MGAT4A: variants seen among roughly 807,000 people sequenced by gnomAD.
The protein encoded by MGAT4A is N-acetylglucosaminyltransferase IVa.
A neutral mutation model predicts 74.1 loss-of-function variants in MGAT4A; 33 were observed. That is an observed-to-expected ratio of 0.45 (90% CI 0.34 to 0.60). The LOEUF is 0.60. Among genes scored for constraint, MGAT4A ranks in the 20% least tolerant of loss-of-function variants. The probability of loss-of-function intolerance (pLI) is 0.02; values close to 1 mark genes in which losing one functional copy is unlikely to be tolerated. For synonymous variants in MGAT4A, 198 were observed against 210.4 expected, an observed-to-expected ratio of 0.94 and a Z score of 0.51; for missense variants, 479 against 628.3, an observed-to-expected ratio of 0.76 and a Z score of 2.54.
Position 98,639,986 on chromosome 2 carries a change from T to G in MGAT4A, c.1144A>C (p.Lys382Gln). The change falls in exon 12 of 16, where the codon AAA (lysine) becomes CAA (glutamine). Residue 382 changes from lysine (K) to glutamine (Q), a missense_variant. By Grantham distance (53) the Lys-to-Gln change is moderately conservative. This residue lies in a region of MGAT4A where 236 missense variants were observed against 308.2 expected (regional missense o/e 0.77). Transcript: ENST00000393487. Reference protein sequence around the residue: ...IQKLTDKDYMKPLLLKIHVNP... With the variant: ...IQKLTDKDYMQPLLLKIHVNP... The stretch of plus-strand genomic sequence containing the variant: ...ACATGGATTTTAAGAAGTAATGGTT[T>G]CATATAATCTTTATCCTGGGAGCAA... 1 of 1,611,716 alleles carries G rather than the reference T, an allele frequency of 6.2e-7. No individual in the cohort carries two copies.
At chr2:98,676,165 C>T (rs772982085) in intron 3 of MGAT4A, among the ~76,000 whole-genome samples, 3 of 151,986 alleles carry the variant, frequency 2.0e-5, no homozygotes, top group Non-Finnish European at 4.4e-5. Flanking sequence ...GAATTTGTTA[C>T]CTCAACTTCA....
intron 2 of MGAT4A, among the ~76,000 whole-genome samples, chr2:98,722,411 A>C (rs1020591560): frequency 6.6e-6 from 1 of 152,228 alleles, no homozygotes; most frequent in Non-Finnish European, 1.5e-5. Context: ...CATAGATTAC[A>C]CTAAGTGAAA....
intron 4 of MGAT4A, among the ~76,000 whole-genome samples, chr2:98,668,518 G>A (rs950179934): frequency 6.6e-6 from 1 of 152,224 alleles, no homozygotes; most frequent in African/African-American, 2.4e-5. Flanking sequence ...TGCTGCAGGG[G>A]CGGTGCTCTT....
At chr2:98,711,575 T>G (rs1702519750) in intron 2 of MGAT4A, among the ~76,000 whole-genome samples, 2 of 152,200 alleles carry the variant, frequency 1.3e-5, no homozygotes, top group African/African-American at 4.8e-5. Flanking sequence ...TTTACAATAT[T>G]TGTGCTTGTT....
chr2:98,680,912 G>A (rs1408070112), intron 2 of MGAT4A, among the ~76,000 whole-genome samples: 1 of 152,198 alleles, frequency 6.6e-6, no homozygotes, highest in Non-Finnish European at 1.5e-5. Context: ...TAAATAAGAA[G>A]ACTCAGTCTT....
intron 4 of MGAT4A, among the ~76,000 whole-genome samples, chr2:98,670,913 C>A (rs1023883284): frequency 1.3e-5 from 2 of 152,192 alleles, no homozygotes; most frequent in African/African-American, 2.4e-5. Context: ...ATCTAAATAT[C>A]CAACTGCCTA....
chr2:98,676,269 T>C (rs1002931867), intron 3 of MGAT4A, among the ~76,000 whole-genome samples: 1 of 152,094 alleles, frequency 6.6e-6, no homozygotes, highest in African/African-American at 2.4e-5. Context: ...AAAGAAACAA[T>C]TACAAATTAT....
At chr2:98,708,488 ACC>A (rs1488469134) in intron 2 of MGAT4A, among the ~76,000 whole-genome samples, 5 of 151,424 alleles carry the variant, frequency 3.3e-5, no homozygotes, top group Non-Finnish European at 7.4e-5. Flanking sequence ...AAAAAGTTAT[ACC>A]TGCCGTAAAC....
intron 2 of MGAT4A, among the ~76,000 whole-genome samples, chr2:98,688,406 G>C (rs1344641566): frequency 6.6e-6 from 1 of 152,130 alleles, no homozygotes; most frequent in African/African-American, 2.4e-5. Flanking sequence ...TCTGCCCCTT[G>C]AGTGCAGGCA....
At chr2:98,687,833 C>T (rs968441301) in intron 2 of MGAT4A, among the ~76,000 whole-genome samples, 13 of 152,166 alleles carry the variant, frequency 8.5e-5, no homozygotes, top group African/African-American at 2.9e-4. Context: ...TTCCAGGCTG[C>T]GGCACTCCCA....
At chr2:98,682,031 C>A (rs1012766509) in intron 2 of MGAT4A, among the ~76,000 whole-genome samples, 2 of 152,028 alleles carry the variant, frequency 1.3e-5, no homozygotes, top group African/African-American at 2.4e-5. Context: ...GAGTCCGTAT[C>A]AACAATAAAT....
intron 5 of MGAT4A, among the ~76,000 whole-genome samples, chr2:98,660,726 A>G (rs1701736238): frequency 6.6e-6 from 1 of 152,214 alleles, no homozygotes; most frequent in South Asian, 2.1e-4. Flanking sequence ...ATATCCACAT[A>G]CAGATGAATG....
chr2:98,637,156 A>T (rs1309688117), intron 12 of MGAT4A, among the ~76,000 whole-genome samples: 4 of 151,984 alleles, frequency 2.6e-5, no homozygotes, highest in Non-Finnish European at 1.5e-5. Context: ...CAAAAAAATT[A>T]AAAAATTAGC....
chr2:98,663,816 G>A (rs1701788450), intron 4 of MGAT4A, among the ~76,000 whole-genome samples: 1 of 152,200 alleles, frequency 6.6e-6, no homozygotes, highest in South Asian at 2.1e-4. Flanking sequence ...CAAAATCGGA[G>A]TAAGAGCTAA....
intron 9 of MGAT4A, among the ~76,000 whole-genome samples, chr2:98,644,728 C>G (rs1052801212): frequency 6.6e-6 from 1 of 151,952 alleles, no homozygotes; most frequent in African/African-American, 2.4e-5. Flanking sequence ...CCACCTCCCC[C>G]GTTCAAGCAA....
chr2:98,709,431 G>C (rs1179674961), intron 2 of MGAT4A, among the ~76,000 whole-genome samples: 1 of 152,070 alleles, frequency 6.6e-6, no homozygotes, highest in African/African-American at 2.4e-5. Context: ...GTCTATTTTA[G>C]GGAGAATGTT....
At chr2:98,730,124 T>A (rs1414205610) in intron 1 of MGAT4A, 1 of 152,258 alleles carries the variant, frequency 6.6e-6, no homozygotes, top group African/African-American at 2.4e-5. Flanking sequence ...ACTGTCATTA[T>A]CTTTTATCAA....
At chr2:98,705,174 C>T (rs1245854261) in intron 2 of MGAT4A, among the ~76,000 whole-genome samples, 1 of 152,214 alleles carries the variant, frequency 6.6e-6, no homozygotes, top group Non-Finnish European at 1.5e-5. Context: ...ATGCCTGCCA[C>T]CACCTCCGGA....
intron 2 of MGAT4A, among the ~76,000 whole-genome samples, chr2:98,682,018 C>T (rs1251289340): frequency 6.6e-6 from 1 of 152,046 alleles, no homozygotes; most frequent in Non-Finnish European, 1.5e-5. Context: ...AATACAAATC[C>T]ATGAGTCCGT....
Sources: gnomAD v4.1 joint callset for allele counts (sites outside exome capture counted in the v4.1 genomes callset) on GRCh38, gnomAD v4.1.1 for gene constraint, gnomAD v4.1.1 regional missense constraint, MANE v1.5 for transcripts, NCBI Gene and HGNC (gene_info 2026-07-23, HGNC 2026-07-21) for gene names.